TENM3: variants seen among roughly 807,000 people sequenced by gnomAD.
TENM3 encodes the protein teneurin transmembrane protein 3.
Under a neutral mutation model 255.1 loss-of-function variants are expected in TENM3, and 63 were observed. That is an observed-to-expected ratio of 0.25 (90% CI 0.20 to 0.30). The LOEUF (loss-of-function observed/expected upper bound fraction) is 0.30, where lower values mean the gene tolerates loss of function less well. Among genes scored for constraint, TENM3 ranks in the 10% least tolerant of loss-of-function variants. The probability of loss-of-function intolerance (pLI) is 1.00; values close to 1 mark genes in which losing one functional copy is unlikely to be tolerated. For synonymous variants in TENM3, 1,306 were observed against 1,322.3 expected (o/e 0.99, Z 0.27); for missense variants, 2,929 against 3,461.1 (o/e 0.85, Z 3.86).
At chr4:181,753,705 A>G in the TENM3 span, among the ~76,000 whole-genome samples, 13 of 152,244 alleles carry the variant, frequency 8.5e-5, no homozygotes. Context: ...GGGTAACATT[A>G]GTAACGTATT....
intron 3 of TENM3, among the ~76,000 whole-genome samples, chr4:182,566,964 T>C (rs1743850450): frequency 6.6e-6 from 1 of 152,180 alleles, no homozygotes; most frequent in Non-Finnish European, 1.5e-5. Flanking sequence ...TTCTTTACTA[T>C]AATGAAGCTT....
At chr4:182,654,418 T>C (rs1226913776) in intron 6 of TENM3, among the ~76,000 whole-genome samples, 1 of 152,218 alleles carries the variant, frequency 6.6e-6, no homozygotes, top group Non-Finnish European at 1.5e-5. Context: ...GAATTAAAAA[T>C]GGAATTTAAG....
intron 12 of TENM3, among the ~76,000 whole-genome samples, chr4:182,710,427 G>C (rs567526475): frequency 1.3e-5 from 2 of 152,250 alleles, no homozygotes; most frequent in East Asian, 3.9e-4. Context: ...TTTCAGAGTA[G>C]CACCTAACAC....
chr4:182,396,605 G>C (rs1164318622), intron 3 of TENM3, among the ~76,000 whole-genome samples: 2 of 152,184 alleles, frequency 1.3e-5, no homozygotes, highest in African/African-American at 4.8e-5. Flanking sequence ...TTAAATAAAA[G>C]AGATTTTGTA....
At chr4:182,016,732 C>A in the TENM3 span, among the ~76,000 whole-genome samples, 1 of 152,146 alleles carries the variant, frequency 6.6e-6, no homozygotes, top group Admixed American at 6.5e-5. Flanking sequence ...GATTCCTTTA[C>A]CAATGAACAT....
intron 1 of TENM3, among the ~76,000 whole-genome samples, chr4:182,208,902 G>A (rs1221562085): frequency 1.3e-5 from 2 of 151,500 alleles, no homozygotes; most frequent in African/African-American, 2.4e-5. Context: ...AAATCCAGCT[G>A]TCACTTTCCA....
chr4:182,052,426 CCA>C, the TENM3 span, among the ~76,000 whole-genome samples: 1 of 152,104 alleles, frequency 6.6e-6, no homozygotes, highest in Non-Finnish European at 1.5e-5. Context: ...GGCTTCGGGA[CCA>C]CAGAGGCCAG....
the TENM3 span, among the ~76,000 whole-genome samples, chr4:181,559,379 T>G: frequency 6.6e-6 from 1 of 152,196 alleles, no homozygotes; most frequent in Admixed American, 6.5e-5. Flanking sequence ...AATTATGGCT[T>G]GTAATTTTCT....
At chr4:181,620,617 G>A in the TENM3 span, among the ~76,000 whole-genome samples, 753 of 150,876 alleles carry the variant, frequency 5.0e-3, 5 homozygotes, top group Non-Finnish European at 8.7e-3. Flanking sequence ...CCTGACATTT[G>A]GCAGGGAAAG....
the TENM3 span, among the ~76,000 whole-genome samples, chr4:181,728,891 AT>A: frequency 2.0e-5 from 3 of 150,504 alleles, no homozygotes; most frequent in East Asian, 2.0e-4. Flanking sequence ...TGAGTGTGAA[AT>A]TTTTTTTTTA....
At chr4:181,488,294 C>T in the TENM3 span, among the ~76,000 whole-genome samples, 1 of 152,176 alleles carries the variant, frequency 6.6e-6, no homozygotes, top group Non-Finnish European at 1.5e-5. Context: ...TGGTGATTTT[C>T]ATTGCTTCAT....
At chr4:181,663,556 AT>A in the TENM3 span, among the ~76,000 whole-genome samples, 1 of 152,214 alleles carries the variant, frequency 6.6e-6, no homozygotes, top group African/African-American at 2.4e-5. Context: ...AACATTCTAA[AT>A]GAGAGTATTA....
chr4:181,776,562 GCATC>G, the TENM3 span, among the ~76,000 whole-genome samples: 1 of 151,838 alleles, frequency 6.6e-6, no homozygotes, highest in Non-Finnish European at 1.5e-5. Context: ...CCTTTTCTCT[GCATC>G]CATCCTTGCC....
the TENM3 span, among the ~76,000 whole-genome samples, chr4:181,695,656 C>A: frequency 3.3e-4 from 51 of 152,262 alleles, 2 homozygotes; most frequent in East Asian, 7.3e-3. Context: ...CATATCTTCT[C>A]CTAGGGCAGA....
the TENM3 span, among the ~76,000 whole-genome samples, chr4:181,772,603 A>G: frequency 6.6e-6 from 1 of 152,172 alleles, no homozygotes; most frequent in Non-Finnish European, 1.5e-5. Flanking sequence ...CAGGACTTTT[A>G]TCACTATAAT....
At chr4:181,962,991 C>T in the TENM3 span, among the ~76,000 whole-genome samples, 1 of 152,080 alleles carries the variant, frequency 6.6e-6, no homozygotes, top group Non-Finnish European at 1.5e-5. Context: ...CCCTTTATTC[C>T]AGCCCTGGAG....
At chr4:182,072,969 C>T in the TENM3 span, among the ~76,000 whole-genome samples, 1 of 152,162 alleles carries the variant, frequency 6.6e-6, no homozygotes, top group African/African-American at 2.4e-5. Context: ...GACTGGTGTT[C>T]TTGTAGGTAA....
At position 182,729,197 on chromosome 4, in the gene TENM3, C is replaced by T; in HGVS notation, c.2585+16C>T. On this transcript the variant is annotated intron_variant, in intron 14 of 27. Coordinates refer to ENST00000511685, the MANE Select transcript of TENM3 (RefSeq NM_001080477.4). ...TCAATAAGAGGTTAATGCTTCTTTTCCATATGTAGATTTGTAATGATGTTA... is the reference window on the plus strand; with the variant it reads ...TCAATAAGAGGTTAATGCTTCTTTTTCATATGTAGATTTGTAATGATGTTA... 1 of 1,586,668 alleles carries T rather than the reference C, an allele frequency of 6.3e-7. No individual in the cohort carries two copies. Among genetic ancestry groups the T allele is most frequent in the Non-Finnish European group, 8.7e-7 (1 of 1,155,264 alleles).
At chr4:181,779,364 C>T in the TENM3 span, among the ~76,000 whole-genome samples, 4 of 151,686 alleles carry the variant, frequency 2.6e-5, no homozygotes, top group Non-Finnish European at 2.9e-5. Flanking sequence ...TTCCTGTTAG[C>T]CAGTTCTAAA....
Sources: gnomAD v4.1 joint callset for allele counts (sites outside exome capture counted in the v4.1 genomes callset) on GRCh38, gnomAD v4.1.1 for gene constraint, MANE v1.5 for transcripts, NCBI Gene and HGNC (gene_info 2026-07-23, HGNC 2026-07-21) for gene names.